NAP1L1: variants seen among roughly 807,000 people sequenced by gnomAD.
The protein encoded by NAP1L1 is nucleosome assembly protein 1 like 1.
A neutral mutation model predicts 58.9 loss-of-function variants in NAP1L1; 9 were observed. That is an observed-to-expected ratio of 0.15 (90% CI 0.09 to 0.27). NAP1L1 has a LOEUF of 0.27. Ranked by LOEUF, NAP1L1 falls within the 10% of genes least tolerant of loss-of-function variation. NAP1L1 has a pLI of 1.00. For missense variants in NAP1L1, 302 were observed against 458.8 expected, an observed-to-expected ratio of 0.66 and a Z score of 3.12; for synonymous variants, 130 against 138.3, an observed-to-expected ratio of 0.94 and a Z score of 0.42.
rs550131537 is a variant in NAP1L1, at chr12:76,042,691, C to G, written c.*5738G>C. 2.6e-5 allele frequency: 4 copies of G among 152,100 alleles called. No individual in the cohort carries two copies. The highest frequency in any genetic ancestry group is 5.9e-5 in the Non-Finnish European group (4 of 68,024). 9.4% of individuals were successfully genotyped at this position (152,100 alleles called of 1,614,324 possible). A position where few individuals can be genotyped will look rare whatever the true frequency, so the allele number is the denominator to read the frequency against. On this transcript the variant is annotated 3_prime_UTR_variant, in exon 15 of 15. Transcript: ENST00000618691. ...CACTGTGCGTTCAGTTTTTATGATA[C>G]ATGTACAAATTTTCTTTCACCTGAA...
rs926572614 is a variant in NAP1L1 at position 76,046,474 on chromosome 12, C to T, written c.*1955G>A. The T allele has an allele frequency of 5.3e-5, 8 of 150,702 alleles. No individual in the cohort carries two copies. Among genetic ancestry groups the T allele is most frequent in the East Asian group, 1.9e-4 (1 of 5,148 alleles). 9.3% of individuals were successfully genotyped at this position (150,702 alleles called of 1,614,324 possible). A position where few individuals can be genotyped will look rare whatever the true frequency, so the allele number is the denominator to read the frequency against. On this transcript the variant is annotated 3_prime_UTR_variant, in exon 15 of 15. Transcript: ENST00000618691. ...TTGAAGTTCAGAAAAAGCTGCATTT[C>T]GATGAACTATGGTTAAAAAAAAAAA...
In NAP1L1 at chr12:76,074,043, A is replaced by G. The variant is rs368339349; in HGVS notation, c.17+160T>C. The G allele has an allele frequency of 5.3e-5, 32 of 608,412 alleles. No individual in the cohort carries two copies. The African/African-American group carries it at 6.0e-4, about 11-fold the overall frequency. 37.7% of individuals were successfully genotyped at this position (608,412 alleles called of 1,614,324 possible). On this transcript the variant is annotated intron_variant, in intron 2 of 14. Transcript: ENST00000618691. ...AAATATGCTAATGATCATATATTCT[A>G]TATTTTACCTTGAATACACTGCACT...
Position 76,062,089 on chromosome 12 carries a change from T to C in NAP1L1, c.207-1810A>G, listed in dbSNP as rs563973720. ...ATAGCAGTTCCGCAAGAAAGCTTTTTAAGTTCTGCTCCTGCCTTGCAACAA... is the reference window on the plus strand; with the variant it reads ...ATAGCAGTTCCGCAAGAAAGCTTTTCAAGTTCTGCTCCTGCCTTGCAACAA... On this transcript the variant is annotated intron_variant, in intron 4 of 14. Coordinates refer to ENST00000618691, the MANE Select transcript of NAP1L1 (RefSeq NM_004537.7). 4.6e-5 allele frequency among the ~76,000 whole-genome samples: 7 copies of C among 152,352 alleles called. No individual in the cohort carries two copies. The South Asian group carries it at 1.4e-3, about 32-fold the overall frequency.
chr12:76,073,995 G>A lies in NAP1L1; in HGVS notation c.17+208C>T, dbSNP rs192088405. The A allele has an allele frequency of 3.6e-3, 1,672 of 464,078 alleles. 7 individuals are homozygous for A. Among genetic ancestry groups the A allele is most frequent in the Non-Finnish European group, 4.1e-3 (1,068 of 258,432 alleles). The allele number at this position is 464,078 out of a possible 1,614,324, so 28.7% of individuals were successfully genotyped here. On this transcript the variant is annotated intron_variant, in intron 2 of 14. Coordinates refer to ENST00000618691, the MANE Select transcript of NAP1L1 (RefSeq NM_004537.7). ...TAGTGACAAATGGTTTAGTATATAC[G>A]ATGGTTTCGAATATATGATCATAAA... is the stretch of plus-strand genomic sequence containing the variant.
chr12:76,039,586 C>T lies in NAP1L1; in HGVS notation c.*8843G>A, dbSNP rs1040091570. 6.6e-6 allele frequency: 1 copy of T among 152,176 alleles called. No individual in the cohort carries two copies. Among genetic ancestry groups the T allele is most frequent in the Admixed American group, 6.5e-5 (1 of 15,278 alleles). The allele number at this position is 152,176 out of a possible 1,614,324, so 9.4% of individuals were successfully genotyped here. A position where few individuals can be genotyped will look rare whatever the true frequency, so the allele number is the denominator to read the frequency against. ...AAATGAAATCTAGATTAACTCTGGT[C>T]TCTAAAATATTTCATCTCTGAAAGC... is the stretch of plus-strand genomic sequence containing the variant. On this transcript the variant is annotated 3_prime_UTR_variant, in exon 15 of 15. Coordinates refer to ENST00000618691, the MANE Select transcript of NAP1L1 (RefSeq NM_004537.7).
Position 76,056,152 on chromosome 12 carries a change from T to C in NAP1L1, c.439A>G (p.Lys147Glu), listed in dbSNP as rs1367102866. The part of the protein sequence containing the change: ...DEEDEISEEL[K>E]EKAKIEDEKK... ...TCATCTTCAATCTTGGCCTTTTCTTTCAATTCCTCCTTGATTAAGTGACAG... is the reference window on the plus strand; with the variant it reads ...TCATCTTCAATCTTGGCCTTTTCTTCCAATTCCTCCTTGATTAAGTGACAG... The change falls in exon 7 of 15, where the codon AAA (lysine) becomes GAA (glutamate). Residue 147 changes from lysine to glutamate, a missense_variant. By Grantham distance (56) the Lys-to-Glu change is moderately conservative (BLOSUM62 1). Coordinates refer to ENST00000618691, the MANE Select transcript of NAP1L1 (RefSeq NM_004537.7). The C allele has an allele frequency of 6.2e-7, 1 of 1,610,930 alleles. No homozygotes were observed. Among genetic ancestry groups the C allele is most frequent in the Admixed American group, 1.7e-5 (1 of 59,350 alleles).
At position 76,042,985 on chromosome 12, in the gene NAP1L1, G is replaced by A. The variant is rs1948565377; in HGVS notation, c.*5444C>T. On this transcript the variant is annotated 3_prime_UTR_variant, in exon 15 of 15. Transcript: ENST00000618691. ...ACCCCAAAACACCAATCTGGAGTTT[G>A]ACTAAGGGGATTCACTGCAGATAAA... The A allele has an allele frequency of 6.6e-6, 1 of 152,200 alleles. No individual in the cohort carries two copies. Among genetic ancestry groups the A allele is most frequent in the South Asian group, 2.1e-4 (1 of 4,830 alleles). 9.4% of individuals were successfully genotyped at this position (152,200 alleles called of 1,614,324 possible).
In NAP1L1 at chr12:76,046,403, A is replaced by T. The variant is rs1948608176; in HGVS notation, c.*2026T>A. The T allele has an allele frequency of 6.6e-6, 1 of 152,452 alleles. No homozygotes were observed. The highest frequency in any genetic ancestry group is 1.5e-5 in the Non-Finnish European group (1 of 67,896). The allele number at this position is 152,452 out of a possible 1,614,324, so 9.4% of individuals were successfully genotyped here. ...CAATAGCTATTTCCTAAAGAATGAAAAAGATGATTTTGCTACTTCAGTTCA... is the reference window on the plus strand; with the variant it reads ...CAATAGCTATTTCCTAAAGAATGAATAAGATGATTTTGCTACTTCAGTTCA... On this transcript the variant is annotated 3_prime_UTR_variant, in exon 15 of 15. Coordinates refer to ENST00000618691, the MANE Select transcript of NAP1L1 (RefSeq NM_004537.7).
chr12:76,049,350 C>T (rs1036336931), intron 13 of NAP1L1, 100 bp from the exon 14 acceptor site: 2 of 1,593,062 alleles, frequency 1.3e-6, no homozygotes, highest in African/African-American at 2.7e-5. Context: ...TACGGATCAA[C>T]AGATTTTCAT....
chr12:76,060,052 A>G (rs1949336067), intron 5 of NAP1L1, 86 bp downstream of exon 5: 1 of 1,420,400 alleles, frequency 7.0e-7, no homozygotes, highest in South Asian at 1.3e-5. Flanking sequence ...TGAGAGTTCT[A>G]AAGATTAACC....
intron 8 of NAP1L1, among the ~76,000 whole-genome samples, 194 bp downstream of exon 8, chr12:76,054,825 C>CT (rs1211451296): frequency 6.6e-6 from 1 of 152,146 alleles, no homozygotes; most frequent in Non-Finnish European, 1.5e-5. Flanking sequence ...CAAGGATTGT[C>CT]TGTGTTTCAA....
chr12:76,040,051 C>T lies in NAP1L1; in HGVS notation c.*8378G>A, dbSNP rs957793325. 5.3e-5 allele frequency: 8 copies of T among 152,206 alleles called. No individual in the cohort carries two copies. The East Asian group carries it at 5.8e-4, about 11-fold the overall frequency. 9.4% of individuals were successfully genotyped at this position (152,206 alleles called of 1,614,324 possible). On this transcript the variant is annotated 3_prime_UTR_variant, in exon 15 of 15. Transcript: ENST00000618691. Reference sequence around the variant, plus strand: ...CATTTTTGTCTGAGGGAGTTCACTACGTTATAGCTTGAATTATAGCTGGAA... The same window carrying T: ...CATTTTTGTCTGAGGGAGTTCACTATGTTATAGCTTGAATTATAGCTGGAA...
chr12:76,054,066 G>A lies in NAP1L1; in HGVS notation c.631-157C>T, dbSNP rs573604107. On this transcript the variant is annotated intron_variant, in intron 8 of 14. Coordinates refer to ENST00000618691, the MANE Select transcript of NAP1L1 (RefSeq NM_004537.7). ...TCTTTTTGAGACTGAGTCTTGCATT[G>A]TTGCCCAGGCCGGAGTGCAGGGGCA... is the stretch of plus-strand genomic sequence containing the variant. Among the ~76,000 whole-genome samples the A allele has an allele frequency of 3.8e-3, 575 of 152,118 alleles. 1 individual carries two copies. The highest frequency in any genetic ancestry group is 6.8e-3 in the Non-Finnish European group (462 of 67,990).
rs1948666837 is a variant in NAP1L1, at chr12:76,048,266, G to C, written c.*163C>G. On this transcript the variant is annotated 3_prime_UTR_variant, in exon 15 of 15. Coordinates refer to ENST00000618691, the MANE Select transcript of NAP1L1 (RefSeq NM_004537.7). ...AGCTGGCAGAAAAACTAGTTAAAAT[G>C]CTAGGTAGAACAAATTGGTCTTTAA... 1 of 660,150 alleles carries C rather than the reference G, an allele frequency of 1.5e-6. No individual in the cohort carries two copies. Among genetic ancestry groups the C allele is most frequent in the East Asian group, 2.8e-5 (1 of 35,532 alleles). The allele number at this position is 660,150 out of a possible 1,614,324, so 40.9% of individuals were successfully genotyped here.
intron 4 of NAP1L1, 53 bp downstream of exon 4, chr12:76,067,318 C>G: frequency 7.5e-7 from 1 of 1,335,596 alleles, no homozygotes; most frequent in Non-Finnish European, 1.1e-6. Context: ...AAAATAGATA[C>G]GCCTGCAACG....
intron 6 of NAP1L1, 125 bp from the exon 7 acceptor site, chr12:76,056,286 T>C (rs551267053): frequency 2.1e-6 from 2 of 962,872 alleles, no homozygotes; most frequent in Admixed American, 2.9e-5. Context: ...TCTATCTGTG[T>C]AAACACCGCC....
At position 76,041,996 on chromosome 12, in the gene NAP1L1, A is replaced by G. The variant is rs1420378298; in HGVS notation, c.*6433T>C. The G allele has an allele frequency of 1.3e-5, 2 of 152,246 alleles. No homozygotes were observed. The highest frequency in any genetic ancestry group is 4.8e-5 in the African/African-American group (2 of 41,464). The allele number at this position is 152,246 out of a possible 1,614,324, so 9.4% of individuals were successfully genotyped here. A position where few individuals can be genotyped will look rare whatever the true frequency, so the allele number is the denominator to read the frequency against. On this transcript the variant is annotated 3_prime_UTR_variant, in exon 15 of 15. Transcript: ENST00000618691. The stretch of plus-strand genomic sequence containing the variant: ...CATATGAAAACACATGTATTAAAAT[A>G]AAACAAGAAAGGAATGAGATGAGAT...
chr12:76,075,726 G>A (rs1306379650), intron 1 of NAP1L1, among the ~76,000 whole-genome samples: 1 of 152,156 alleles, frequency 6.6e-6, no homozygotes, highest in Non-Finnish European at 1.5e-5. Context: ...AATCCAAGTA[G>A]GATTCCAGTT....
chr12:76,058,398 T>C (rs1949236765), intron 6 of NAP1L1, among the ~76,000 whole-genome samples: 1 of 150,300 alleles, frequency 6.7e-6, no homozygotes, highest in African/African-American at 2.4e-5. Flanking sequence ...TTTTTTTTTT[T>C]TTTTTTGAGA....
Sources: allele counts gnomAD v4.1 joint callset (sites outside exome capture counted in the v4.1 genomes callset), GRCh38; gene constraint gnomAD v4.1.1; transcripts MANE v1.5; gene names NCBI Gene and HGNC (gene_info 2026-07-23, HGNC 2026-07-21).